The following TANGO2 variants were observed in gnomAD, a reference collection of about 807,000 sequenced individuals.
TANGO2 encodes the protein transport and Golgi organization protein 2 homolog.
Under a neutral mutation model 39.1 loss-of-function variants are expected in TANGO2, and 26 were observed. That is an observed-to-expected ratio of 0.67 (90% CI 0.49 to 0.92). The LOEUF (loss-of-function observed/expected upper bound fraction) is 0.92, where lower values mean the gene tolerates loss of function less well. Ranked by LOEUF, TANGO2 falls within the 40% of genes least tolerant of loss-of-function variation. The pLI is 0.00. For synonymous variants in TANGO2, 131 were observed against 144.5 expected, an observed-to-expected ratio of 0.91 and a Z score of 0.67; for missense variants, 326 against 360.1, an observed-to-expected ratio of 0.91 and a Z score of 0.77.
intron 1 of TANGO2, 140 bp from the exon 2 acceptor site, chr22:20,036,620 G>A: frequency 4.2e-6 from 3 of 713,136 alleles, no homozygotes; most frequent in South Asian, 3.4e-5. Flanking sequence ...GGCCAAGAGT[G>A]TGGTGTCCAG....
At chr22:20,055,489 G>A (rs2047164053) in intron 5 of TANGO2, 1 of 226,864 alleles carries the variant, frequency 4.4e-6, no homozygotes, top group Non-Finnish European at 8.8e-6. Flanking sequence ...TGTGGTCTTT[G>A]GCGCTTTCTT....
At chr22:20,024,634 G>A (rs2040381451) in intron 1 of TANGO2, among the ~76,000 whole-genome samples, 1 of 152,202 alleles carries the variant, frequency 6.6e-6, no homozygotes, top group African/African-American at 2.4e-5. Context: ...TCTGTTCAGG[G>A]ACTCACCATG....
At chr22:20,029,657 G>C (rs901787671) in intron 1 of TANGO2, among the ~76,000 whole-genome samples, 1 of 152,156 alleles carries the variant, frequency 6.6e-6, no homozygotes, top group Non-Finnish European at 1.5e-5. Context: ...CCTGTGCTCT[G>C]TCCCTGCTGA....
intron 2 of TANGO2, among the ~76,000 whole-genome samples, chr22:20,041,274 C>G (rs771551579): frequency 6.6e-6 from 1 of 151,794 alleles, no homozygotes; most frequent in Non-Finnish European, 1.5e-5. Flanking sequence ...ACCTCTCGAG[C>G]AGCTGGGATT....
intron 1 of TANGO2, among the ~76,000 whole-genome samples, chr22:20,031,278 G>C (rs1205012142): frequency 6.6e-6 from 1 of 152,146 alleles, no homozygotes; most frequent in Non-Finnish European, 1.5e-5. Context: ...AGGATGGCTT[G>C]AGCCCAGGAG....
At chr22:20,059,948 CTTAAG>C (rs568157022) in intron 6 of TANGO2, among the ~76,000 whole-genome samples, 13 of 151,750 alleles carry the variant, frequency 8.6e-5, no homozygotes, top group East Asian at 7.8e-4. Flanking sequence ...TTTGGTTTGA[CTTAAG>C]TTAACTATTT....
chr22:20,031,888 G>C (rs1293868549), intron 1 of TANGO2, among the ~76,000 whole-genome samples: 2 of 152,224 alleles, frequency 1.3e-5, no homozygotes, highest in African/African-American at 4.8e-5. Context: ...GGCCGTGGGT[G>C]CAGGGTCCAG....
At chr22:20,055,026 CA>C (rs1452290652) in intron 5 of TANGO2, 1 of 152,162 alleles carries the variant, frequency 6.6e-6, no homozygotes, top group African/African-American at 2.4e-5. Flanking sequence ...TGAAGCCTAC[CA>C]GGGGTGGGGA....
At chr22:20,026,551 T>A (rs1030025769) in intron 1 of TANGO2, among the ~76,000 whole-genome samples, 7 of 152,224 alleles carry the variant, frequency 4.6e-5, no homozygotes, top group Admixed American at 6.5e-5. Flanking sequence ...TAAGGCTATT[T>A]CTACTAGACA....
intron 7 of TANGO2, 60 bp downstream of exon 7, chr22:20,061,743 AG>A (rs1428210629): frequency 3.6e-5 from 54 of 1,482,094 alleles, no homozygotes; most frequent in Non-Finnish European, 3.5e-5. Context: ...GCAGAGGGAA[AG>A]GCAGGCCCTG....
At chr22:20,062,491 A>C (rs2048567007) in intron 7 of TANGO2, among the ~76,000 whole-genome samples, 1 of 152,030 alleles carries the variant, frequency 6.6e-6, no homozygotes, top group Non-Finnish European at 1.5e-5. Flanking sequence ...TGGGCCTCTG[A>C]TAGGCGGCCT....
In TANGO2 at chr22:20,036,789, C is replaced by G; in HGVS notation, c.-10C>G. On this transcript the variant is annotated 5_prime_UTR_variant, in exon 2 of 9. Transcript: ENST00000327374. ...CGCGACCTGTGTCAGCAGAGCCGCC[C>G]TGCACCACCATGTGCATCATCTTCT... 1 of 1,614,274 alleles carries G rather than the reference C, an allele frequency of 6.2e-7. No individual in the cohort carries two copies. Among genetic ancestry groups the G allele is most frequent in the Non-Finnish European group, 8.5e-7 (1 of 1,180,050 alleles).
chr22:20,031,780 C>G (rs1257035196), intron 1 of TANGO2, among the ~76,000 whole-genome samples: 1 of 152,226 alleles, frequency 6.6e-6, no homozygotes, highest in African/African-American at 2.4e-5. Context: ...AGGCAGCATG[C>G]TGACTTCCAG....
At chr22:20,033,612 G>T (rs533060524) in intron 1 of TANGO2, among the ~76,000 whole-genome samples, 15 of 152,214 alleles carry the variant, frequency 9.9e-5, no homozygotes, top group South Asian at 4.1e-4. Context: ...CAGGCCAGTG[G>T]GATTCCAGTA....
chr22:20,028,666 G>A (rs944699425), intron 1 of TANGO2, among the ~76,000 whole-genome samples: 5 of 152,230 alleles, frequency 3.3e-5, no homozygotes, highest in African/African-American at 1.2e-4. Flanking sequence ...TTGGTGTGGG[G>A]TGGGCGACTG....
In TANGO2 at chr22:20,043,352, C is replaced by T. The variant is rs750814833; in HGVS notation, c.57-3C>T. 8.4e-5 allele frequency: 135 copies of T among 1,609,378 alleles called. 2 individuals are homozygous for T. In the South Asian group the frequency reaches 1.3e-3, roughly 16 times the overall value. On this transcript the variant is annotated splice_region_variant and splice_polypyrimidine_tract_variant and intron_variant, in intron 2 of 8. Transcript: ENST00000327374. ...AGCCATCAGTGATGCTTTCCTCTTG[C>T]AGGCTCATCTTGGCAGCCAACAGGG... is the stretch of plus-strand genomic sequence containing the variant.
intron 2 of TANGO2, among the ~76,000 whole-genome samples, chr22:20,038,865 G>T (rs1457222302): frequency 6.6e-6 from 1 of 152,040 alleles, no homozygotes; most frequent in Non-Finnish European, 1.5e-5. Context: ...ACCCAGCTAG[G>T]CTGGGCTGGA....
chr22:20,039,395 G>A (rs879792634), intron 2 of TANGO2, among the ~76,000 whole-genome samples: 6 of 151,348 alleles, frequency 4.0e-5, no homozygotes, highest in East Asian at 4.0e-4. Context: ...TTGGGAGGCT[G>A]AGGTGGGTGG....
intron 7 of TANGO2, chr22:20,061,932 C>G: frequency 2.1e-6 from 1 of 485,716 alleles, no homozygotes; most frequent in Non-Finnish European, 3.6e-6. Flanking sequence ...GCTCAGTGCA[C>G]CCAGAGGCTT....
Sources: gnomAD v4.1 joint callset for allele counts (sites outside exome capture counted in the v4.1 genomes callset) on GRCh38, gnomAD v4.1.1 for gene constraint, MANE v1.5 for transcripts, NCBI Gene and HGNC (gene_info 2026-07-23, HGNC 2026-07-21) for gene names.